The following SVIL variants were observed in gnomAD, a reference collection of about 807,000 sequenced individuals.
The protein encoded by SVIL is supervillin.
In SVIL, 101 loss-of-function variants were observed where a neutral mutation model predicts 240.4. That is an observed-to-expected ratio of 0.42 (90% CI 0.36 to 0.50). The LOEUF is 0.50. Ranked by LOEUF, SVIL falls within the 20% of genes least tolerant of loss-of-function variation. The pLI is 0.01. For missense variants in SVIL, 2,512 were observed against 2,818.7 expected (o/e 0.89, Z 2.46); for synonymous variants, 999 against 1,100.0 (o/e 0.91, Z 1.82).
intron 5 of SVIL, 129 bp downstream of exon 5, chr10:29,554,654 T>C (rs1953733449): frequency 3.2e-6 from 4 of 1,242,822 alleles, no homozygotes; most frequent in Non-Finnish European, 4.2e-6. Context: ...AACCTTGTGC[T>C]AAAAAAATTA....
chr10:29,649,795 T>C (rs1284988081), intron 3 of SVIL, among the ~76,000 whole-genome samples: 2 of 152,202 alleles, frequency 1.3e-5, no homozygotes, highest in African/African-American at 4.8e-5. Flanking sequence ...CCAGAGTTCA[T>C]GTGCTGGGAA....
intron 2 of SVIL, among the ~76,000 whole-genome samples, chr10:29,684,329 T>C (rs898199291): frequency 1.3e-5 from 2 of 152,172 alleles, no homozygotes; most frequent in African/African-American, 4.8e-5. Flanking sequence ...CCTGAGAACA[T>C]GTACCCAAGG....
At chr10:29,682,814 A>T (rs1400190299) in intron 2 of SVIL, among the ~76,000 whole-genome samples, 1 of 152,234 alleles carries the variant, frequency 6.6e-6, no homozygotes, top group African/African-American at 2.4e-5. Context: ...CTCATGTTTA[A>T]TGACTATTCA....
In SVIL at chr10:29,579,548, T is replaced by A. The variant is rs539362434; in HGVS notation, c.-200-10236A>T. Among the ~76,000 whole-genome samples, 13 of 152,292 alleles carry A rather than the reference T, an allele frequency of 8.5e-5. 1 individual carries two copies. The South Asian group carries it at 2.5e-3, about 29-fold the overall frequency. ...TCAGTATGAGTCCAGGTGAGACGTG[T>A]CACCTCCCAAATTGACAAGGTCAAA... is the stretch of plus-strand genomic sequence containing the variant. On this transcript the variant is annotated intron_variant, in intron 1 of 37. Transcript: ENST00000355867.
At position 29,648,977 on chromosome 10, in the gene SVIL, C is replaced by CA. The variant is rs547136302; in HGVS notation, c.-201+8991dup. Reference sequence around the variant, plus strand: ...ACACACTAAGGCACCCGTCTACACACAAAAAAAACAAAAAACAAAAAACAC... The same window carrying CA: ...ACACACTAAGGCACCCGTCTACACACAAAAAAAAACAAAAAACAAAAAACAC... On this transcript the variant is annotated intron_variant, in intron 3 of 35. Coordinates refer to the SVIL transcript ENST00000375400. 4.3e-4 allele frequency among the ~76,000 whole-genome samples: 65 copies of CA among 151,314 alleles called. No individual in the cohort carries two copies. In the South Asian group the frequency reaches 7.9e-3, roughly 18 times the overall value.
At chr10:29,555,924 A>C (rs1227419955) in intron 3 of SVIL, among the ~76,000 whole-genome samples, 1 of 152,214 alleles carries the variant, frequency 6.6e-6, no homozygotes, top group Non-Finnish European at 1.5e-5. Context: ...CGCTTCAATT[A>C]GCTACAGTTT....
intron 14 of SVIL, 106 bp from the exon 15 acceptor site, chr10:29,524,133 T>C: frequency 8.5e-7 from 1 of 1,177,880 alleles, no homozygotes; most frequent in Admixed American, 2.9e-5. Flanking sequence ...TGATGCAGTT[T>C]CACTGTTTCT....
At chr10:29,730,655 G>T (rs1032267139) in intron 1 of SVIL, among the ~76,000 whole-genome samples, 4 of 152,180 alleles carry the variant, frequency 2.6e-5, no homozygotes, top group African/African-American at 9.7e-5. Context: ...TGGATTAAGG[G>T]CTTAGAATTG....
intron 14 of SVIL, 137 bp downstream of exon 14, chr10:29,524,334 AG>A: frequency 7.4e-7 from 1 of 1,350,356 alleles, no homozygotes; most frequent in South Asian, 1.4e-5. Context: ...TTAGGAAGAA[AG>A]CTATTACCAA....
At chr10:29,668,612 T>A (rs1959516172) in intron 2 of SVIL, among the ~76,000 whole-genome samples, 1 of 152,204 alleles carries the variant, frequency 6.6e-6, no homozygotes, top group African/African-American at 2.4e-5. Flanking sequence ...TAGCTGGGAC[T>A]ACAGGCACGT....
intron 2 of SVIL, among the ~76,000 whole-genome samples, chr10:29,566,036 G>A (rs1477541664): frequency 2.6e-5 from 4 of 152,136 alleles, no homozygotes; most frequent in Non-Finnish European, 5.9e-5. Context: ...CAAAGTTGAT[G>A]TGATGGCCAG....
At position 29,651,220 on chromosome 10, in the gene SVIL, C is replaced by T. The variant is rs943158168; in HGVS notation, c.-201+6749G>A. 2.2e-4 allele frequency among the ~76,000 whole-genome samples: 33 copies of T among 152,176 alleles called. 1 individual carries two copies. The highest frequency in any genetic ancestry group is 5.9e-5 in the Non-Finnish European group (4 of 68,024). On this transcript the variant is annotated intron_variant, in intron 3 of 35. Coordinates refer to the SVIL transcript ENST00000375400. ...AGAAGGGCTGGCTCCCAGGAAGACA[C>T]GACCTCCAAACCCAACCAGCACCTT...
At chr10:29,598,644 AGAT>A (rs1193505425) in intron 1 of SVIL, among the ~76,000 whole-genome samples, 2 of 152,190 alleles carry the variant, frequency 1.3e-5, no homozygotes, top group African/African-American at 2.4e-5. Context: ...GTTTCAGTGG[AGAT>A]TCCTCAGAGA....
intron 17 of SVIL, among the ~76,000 whole-genome samples, chr10:29,507,558 T>TC (rs1564537632): frequency 1.3e-5 from 1 of 77,678 alleles, no homozygotes; most frequent in Non-Finnish European, 2.9e-5. Context: ...TACACACTCA[T>TC]AGATACACAC....
At chr10:29,463,771 CAGGGGCAA>C (rs752365444) in intron 34 of SVIL, 136 bp from the exon 35 acceptor site, 56 of 1,284,490 alleles carry the variant, frequency 4.4e-5, no homozygotes, top group Non-Finnish European at 5.4e-5. Flanking sequence ...GCCATCAAAC[CAGGGGCAA>C]AGGGGCAAAC....
rs907019359 is a variant in SVIL, at chr10:29,550,716, G to T, written c.708C>A (p.Asp236Glu). The T allele has an allele frequency of 6.2e-7, 1 of 1,614,168 alleles. No homozygotes were observed. Among genetic ancestry groups the T allele is most frequent in the Admixed American group, 1.7e-5 (1 of 60,030 alleles). ...ACCGTGGCACTTCAGTGAAGGAGGA[G>T]TCTCGCCCAGAGAAAGAGAAGGTCG... ...SSSTFSFSGR[D>E]SSFTEVPRSP... The change falls in exon 6 of 38, where the codon GAC (aspartate) becomes GAA (glutamate). Residue 236 changes from aspartate (D) to glutamate (E), a missense_variant. By Grantham distance (45) the Asp-to-Glu change is conservative. This residue lies in a region of SVIL where 1,443 missense variants were observed against 1,486.6 expected (regional missense o/e 0.97). Transcript: ENST00000355867.
rs57479630 is a variant in SVIL at position 29,481,133 on chromosome 10, G to GGTGTGTGTGTGTGTGTGTGTGT, written c.5101-342_5101-321dup. ...CCTGGGAAGGCTTCCTAGCTTTAAG[G>GGTGTGTGTGTGTGTGTGTGTGT]GTGTGTGTGTGTGTGTGTGTGTGTG... On this transcript the variant is annotated intron_variant, in intron 28 of 37. Transcript: ENST00000355867. 9.2e-5 allele frequency among the ~76,000 whole-genome samples: 13 copies of GGTGTGTGTGTGTGTGTGTGTGT among 141,400 alleles called. 1 individual carries two copies. The highest frequency in any genetic ancestry group is 2.4e-4 in the South Asian group (1 of 4,176). The allele number at this position is 141,400 out of a possible 152,430, so 92.8% of individuals were successfully genotyped here. A position where few individuals can be genotyped will look rare whatever the true frequency, so the allele number is the denominator to read the frequency against.
intron 1 of SVIL, among the ~76,000 whole-genome samples, chr10:29,602,715 G>C (rs769072634): frequency 1.3e-5 from 2 of 151,992 alleles, no homozygotes; most frequent in Non-Finnish European, 2.9e-5. Context: ...GCCGGGCGCT[G>C]TGGCTCACGC....
intron 1 of SVIL, among the ~76,000 whole-genome samples, chr10:29,717,030 C>A (rs540844960): frequency 1.3e-5 from 2 of 152,104 alleles, no homozygotes; most frequent in South Asian, 4.1e-4. Context: ...GAGATCGAGA[C>A]CATCCTGGCT....
Sources: gnomAD v4.1 joint callset for allele counts (sites outside exome capture counted in the v4.1 genomes callset) on GRCh38, gnomAD v4.1.1 for gene constraint, gnomAD v4.1.1 regional missense constraint, MANE v1.5 for transcripts, NCBI Gene and HGNC (gene_info 2026-07-23, HGNC 2026-07-21) for gene names.